SPRED1: variants seen among roughly 807,000 people sequenced by gnomAD.
SPRED1 encodes the protein sprouty related EVH1 domain containing 1, also known as sprouty-related, EVH1 domain-containing protein 1.
A neutral mutation model predicts 52.3 loss-of-function variants in SPRED1; 18 were observed. The ratio of observed to expected loss-of-function variants is 0.34; its 90% CI spans 0.24 to 0.51. SPRED1 has a LOEUF of 0.51. Among genes scored for constraint, SPRED1 ranks in the 20% least tolerant of loss-of-function variants. SPRED1 has a pLI of 0.97. For synonymous variants in SPRED1, 155 were observed against 179.7 expected (o/e 0.86, Z 1.10); for missense variants, 485 against 551.0 (o/e 0.88, Z 1.20).
chr15:38,323,632 A>T (rs947369978), intron 3 of SPRED1, among the ~76,000 whole-genome samples: 8 of 152,246 alleles, frequency 5.3e-5, no homozygotes, highest in Middle Eastern at 3.4e-3. Flanking sequence ...GAAACTTAAA[A>T]AAAAAAATAC....
intron 2 of SPRED1, among the ~76,000 whole-genome samples, chr15:38,321,506 A>C (rs1207096019): frequency 6.6e-6 from 1 of 152,178 alleles, no homozygotes; most frequent in African/African-American, 2.4e-5. Flanking sequence ...AAAAGTGGCC[A>C]AGTGTATTTG....
At chr15:38,350,886 C>A in intron 6 of SPRED1, 128 bp from the exon 7 acceptor site, 1 of 1,004,682 alleles carries the variant, frequency 1.0e-6, no homozygotes, top group Non-Finnish European at 1.5e-6. Context: ...TGATCTCATC[C>A]CAAAAACATA....
At chr15:38,350,914 A>G (rs908876401) in intron 6 of SPRED1, 100 bp from the exon 7 acceptor site, 1 of 1,194,206 alleles carries the variant, frequency 8.4e-7, no homozygotes, top group Admixed American at 2.0e-5. Context: ...AATGTCCAGA[A>G]TAATATTTCA....
intron 1 of SPRED1, among the ~76,000 whole-genome samples, chr15:38,273,517 A>AT (rs1894482140): frequency 2.9e-5 from 3 of 104,260 alleles, no homozygotes; most frequent in South Asian, 3.5e-4. Flanking sequence ...TTTATGTATT[A>AT]TTAATATATA....
intron 2 of SPRED1, among the ~76,000 whole-genome samples, chr15:38,309,271 G>C (rs1454773048): frequency 6.6e-6 from 1 of 152,096 alleles, no homozygotes; most frequent in Non-Finnish European, 1.5e-5. Context: ...CTCCCAGGTA[G>C]CTGGGACCAC....
At chr15:38,342,536 A>T (rs1430970167) in intron 5 of SPRED1, among the ~76,000 whole-genome samples, 1 of 151,964 alleles carries the variant, frequency 6.6e-6, no homozygotes, top group East Asian at 1.9e-4. Context: ...TTTGCTGTTT[A>T]TTGGTGCTTG....
chr15:38,327,173 CTGTTTAGAAGACA>C (rs1159027667), intron 4 of SPRED1, among the ~76,000 whole-genome samples: 1 of 152,084 alleles, frequency 6.6e-6, no homozygotes, highest in Non-Finnish European at 1.5e-5. Context: ...GTACCTGCAC[CTGTTTAGAAGACA>C]ACATCCTAGC....
intron 4 of SPRED1, among the ~76,000 whole-genome samples, chr15:38,327,890 G>C (rs1248902151): frequency 6.6e-6 from 1 of 152,172 alleles, no homozygotes; most frequent in Admixed American, 6.6e-5. Flanking sequence ...TTTTTCTTAA[G>C]ACGATTAGAA....
chr15:38,351,656 G>C lies in SPRED1; in HGVS notation c.1327G>C (p.Ala443Pro). The C allele has an allele frequency of 1.2e-6, 2 of 1,612,294 alleles. No individual in the cohort carries two copies. The highest frequency in any genetic ancestry group is 1.7e-6 in the Non-Finnish European group (2 of 1,179,958). ...TTGCTGTGGTGGGAAACATAAAGCT[G>C]CTGGATGAAATGGTCCAGTGCCAAA... is the stretch of plus-strand genomic sequence containing the variant. ...CGCCGGKHKA[A>P]G is the part of the protein sequence containing the mutation. The change falls in exon 7 of 7, where the codon GCT (alanine) becomes CCT (proline). Residue 443 changes from alanine (A) to proline (P), a missense_variant. Physicochemically the swap from Ala to Pro is conservative, Grantham distance 27. Transcript: ENST00000299084.
chr15:38,284,404 C>G (rs1894759042), intron 1 of SPRED1, among the ~76,000 whole-genome samples: 1 of 151,922 alleles, frequency 6.6e-6, no homozygotes, highest in African/African-American at 2.4e-5. Context: ...TTTAACTTGC[C>G]AGATTGCTGT....
chr15:38,271,174 A>T (rs1316716992), intron 1 of SPRED1, among the ~76,000 whole-genome samples: 2 of 152,242 alleles, frequency 1.3e-5, no homozygotes, highest in Non-Finnish European at 2.9e-5. Flanking sequence ...TCTAAATGTC[A>T]GATGTTAAAG....
At chr15:38,323,718 T>C (rs1207204982) in intron 3 of SPRED1, among the ~76,000 whole-genome samples, 1 of 152,168 alleles carries the variant, frequency 6.6e-6, no homozygotes, top group Non-Finnish European at 1.5e-5. Flanking sequence ...TCAGTGTATT[T>C]TTTGACAATT....
chr15:38,267,507 A>C (rs1008443165), intron 1 of SPRED1, among the ~76,000 whole-genome samples: 5 of 151,988 alleles, frequency 3.3e-5, no homozygotes, highest in Non-Finnish European at 5.9e-5. Flanking sequence ...TCTATCGTGG[A>C]TTATTTGTAA....
chr15:38,280,878 G>A (rs1406855028), intron 1 of SPRED1, among the ~76,000 whole-genome samples: 1 of 152,174 alleles, frequency 6.6e-6, no homozygotes, highest in Non-Finnish European at 1.5e-5. Flanking sequence ...TAGTGGGTGA[G>A]CCTAGCTCAT....
At chr15:38,292,522 C>T (rs1659597326) in intron 1 of SPRED1, among the ~76,000 whole-genome samples, 4 of 152,156 alleles carry the variant, frequency 2.6e-5, no homozygotes, top group Non-Finnish European at 4.4e-5. Flanking sequence ...GGGGAGGCCT[C>T]AGAATCATGG....
intron 4 of SPRED1, among the ~76,000 whole-genome samples, chr15:38,335,556 A>G (rs1273690998): frequency 2.2e-5 from 1 of 46,164 alleles, no homozygotes; most frequent in South Asian, 9.6e-4. Context: ...AAGGTATAGT[A>G]TGTCTCAGTT....
chr15:38,348,416 CTGTGTGTGTGTG>C (rs3075338), intron 5 of SPRED1, among the ~76,000 whole-genome samples: 5 of 148,548 alleles, frequency 3.4e-5, no homozygotes, highest in African/African-American at 1.2e-4. Flanking sequence ...TTTTAAAGAT[CTGTGTGTGTGTG>C]TGTGTGTGTG....
chr15:38,339,794 A>T lies in SPRED1; in HGVS notation c.481A>T (p.Thr161Ser). The change falls in exon 5 of 7, where the codon ACA becomes TCA. Residue 161 changes from threonine to serine, a missense_variant. Coordinates refer to ENST00000299084, the MANE Select transcript of SPRED1 (RefSeq NM_152594.3). ...LVKDHLFQQETVVTSEPYRSS... is the reference protein window; with the variant it reads ...LVKDHLFQQESVVTSEPYRSS... ...GAAGGATCACCTTTTTCAGCAAGAG[A>T]CAGTTGTTACCAGTGAGCCTTATAG... 6.2e-7 allele frequency: 1 copy of T among 1,613,992 alleles called. No individual in the cohort carries two copies.
intron 1 of SPRED1, among the ~76,000 whole-genome samples, chr15:38,258,142 G>T (rs567328158): frequency 2.9e-4 from 44 of 152,256 alleles, no homozygotes; most frequent in African/African-American, 1.1e-3. Flanking sequence ...TTAAATAACA[G>T]CTGCTAAAAT....
Sources: gnomAD v4.1 joint callset for allele counts (sites outside exome capture counted in the v4.1 genomes callset) on GRCh38, gnomAD v4.1.1 for gene constraint, MANE v1.5 for transcripts, NCBI Gene and HGNC (gene_info 2026-07-23, HGNC 2026-07-21) for gene names.